ARHGAP29: variants seen among roughly 807,000 people sequenced by gnomAD.
The protein encoded by ARHGAP29 is rho GTPase-activating protein 29.
In ARHGAP29, 43 loss-of-function variants were observed where a neutral mutation model predicts 122.6. The ratio of observed to expected loss-of-function variants is 0.35; its 90% CI spans 0.27 to 0.45. The LOEUF (loss-of-function observed/expected upper bound fraction) is 0.45, where lower values mean the gene tolerates loss of function less well. ARHGAP29 is among the 20% of genes least tolerant of loss of function. The pLI is 1.00. For synonymous variants in ARHGAP29, 506 were observed against 497.1 expected (o/e 1.02, Z -0.24); for missense variants, 1,303 against 1,477.2 (o/e 0.88, Z 1.93).
At chr1:94,275,701 A>G (rs1655158017), upstream of ARHGAP29, among the ~76,000 whole-genome samples, 1 of 152,136 alleles carries the variant, frequency 6.6e-6, no homozygotes, top group South Asian at 2.1e-4. Flanking sequence ...AGATGTTATA[A>G]GCAAAGGAAG....
intron 19 of ARHGAP29, among the ~76,000 whole-genome samples, chr1:94,181,412 GC>G (rs1273575944): frequency 6.6e-6 from 1 of 152,108 alleles, no homozygotes; most frequent in Non-Finnish European, 1.5e-5. Context: ...GGACAGACGG[GC>G]AACTATCTGA....
In ARHGAP29 at chr1:94,215,697, A is replaced by C. The variant is rs573577095; in HGVS notation, c.340+4561T>G. On this transcript the variant is annotated intron_variant, in intron 3 of 22. Transcript: ENST00000260526. ...CATTCAAGAATTCTATTATAATCTC[A>C]GAGCAGAGAAGCCTTTCCTAATACT... Among the ~76,000 whole-genome samples the C allele has an allele frequency of 2.0e-5, 3 of 152,304 alleles. No individual in the cohort carries two copies. The South Asian group carries it at 6.2e-4, about 32-fold the overall frequency.
At chr1:94,205,425 C>A (rs957369925) in intron 6 of ARHGAP29, among the ~76,000 whole-genome samples, 1 of 152,192 alleles carries the variant, frequency 6.6e-6, no homozygotes. Context: ...AAGTTAAAAG[C>A]TTTACACAAT....
chr1:94,265,648 A>G (rs1654742686), intron 1 of ARHGAP29, among the ~76,000 whole-genome samples: 1 of 152,246 alleles, frequency 6.6e-6, no homozygotes. Context: ...TATGTTACCA[A>G]TTTTGAAAAG....
intron 5 of ARHGAP29, among the ~76,000 whole-genome samples, chr1:94,208,093 C>T (rs1322142495): frequency 1.3e-5 from 2 of 152,112 alleles, no homozygotes; most frequent in Admixed American, 6.5e-5. Flanking sequence ...CCACCATGAC[C>T]TCTTAAAGTG....
At chr1:94,260,964 A>C (rs1269963515) in intron 1 of ARHGAP29, among the ~76,000 whole-genome samples, 1 of 151,956 alleles carries the variant, frequency 6.6e-6, no homozygotes, top group African/African-American at 2.4e-5. Context: ...CTTCCTTACA[A>C]CCTCCTGTGT....
chr1:94,190,199 C>A, intron 12 of ARHGAP29, 116 bp from the exon 13 acceptor site: 1 of 1,034,034 alleles, frequency 9.7e-7, no homozygotes, highest in Non-Finnish European at 1.4e-6. Flanking sequence ...GCATACAACA[C>A]TGAATATCAC....
chr1:94,172,047 G>C lies in ARHGAP29; in HGVS notation c.*1822C>G, dbSNP rs1648768652. 1 of 152,050 alleles carries C rather than the reference G, an allele frequency of 6.6e-6. No individual in the cohort carries two copies. The highest frequency in any genetic ancestry group is 2.4e-5 in the African/African-American group (1 of 41,398). 9.4% of individuals were successfully genotyped at this position (152,050 alleles called of 1,614,324 possible). ...ATTTTTTAAAGTTGCATTTTCTATT[G>C]TTAAAAACTACCAGATATTATTTAG... On this transcript the variant is annotated 3_prime_UTR_variant, in exon 23 of 23. Transcript: ENST00000260526.
chr1:94,182,223 G>A (rs1365756536), intron 19 of ARHGAP29, among the ~76,000 whole-genome samples: 1 of 151,904 alleles, frequency 6.6e-6, no homozygotes, highest in African/African-American at 2.4e-5. Context: ...ATAGTTAATA[G>A]CAAGGAAGAA....
chr1:94,235,134 A>G (rs987048272), intron 1 of ARHGAP29, among the ~76,000 whole-genome samples: 1 of 152,190 alleles, frequency 6.6e-6, no homozygotes, highest in Admixed American at 6.5e-5. Flanking sequence ...AGCCAGCATT[A>G]TAATGATTAA....
At chr1:94,185,607 A>G in intron 16 of ARHGAP29, 126 bp from the exon 17 acceptor site, 1 of 810,758 alleles carries the variant, frequency 1.2e-6, no homozygotes, top group Non-Finnish European at 1.7e-6. Flanking sequence ...TGAATCTCTA[A>G]TATCAAAATA....
chr1:94,297,782 T>C, the ARHGAP29 span, among the ~76,000 whole-genome samples: 1 of 152,096 alleles, frequency 6.6e-6, no homozygotes, highest in Non-Finnish European at 1.5e-5. Flanking sequence ...GAGTTGTGTG[T>C]GGTATGAGCA....
chr1:94,178,275 T>A, intron 20 of ARHGAP29, 108 bp from the exon 21 acceptor site: 1 of 1,029,390 alleles, frequency 9.7e-7, no homozygotes, highest in Non-Finnish European at 1.4e-6. Context: ...TGCACAAAAA[T>A]ACTAGGGGGA....
intron 6 of ARHGAP29, 56 bp downstream of exon 6, chr1:94,205,579 T>C: frequency 6.8e-7 from 1 of 1,468,238 alleles, no homozygotes; most frequent in Non-Finnish European, 9.4e-7. Flanking sequence ...TCCAGGACAT[T>C]CATAGAAAGT....
chr1:94,204,918 A>G, intron 7 of ARHGAP29, 143 bp downstream of exon 7: 1 of 786,208 alleles, frequency 1.3e-6, no homozygotes, highest in Non-Finnish European at 1.8e-6. Context: ...TAGTGTAAGA[A>G]GAGTCTTTTC....
chr1:94,193,612 T>C (rs1421277006), intron 12 of ARHGAP29: 1 of 152,194 alleles, frequency 6.6e-6, no homozygotes, highest in African/African-American at 2.4e-5. Context: ...CATGAGAAAC[T>C]ACGGATGCCA....
intron 4 of ARHGAP29, 67 bp from the exon 5 acceptor site, chr1:94,208,971 A>C: frequency 7.2e-7 from 1 of 1,386,718 alleles, no homozygotes; most frequent in Non-Finnish European, 1.0e-6. Context: ...TTTACATTCA[A>C]CATGTTATCT....
chr1:94,171,954 T>G lies in ARHGAP29; in HGVS notation c.*1915A>C, dbSNP rs1302017530. On this transcript the variant is annotated 3_prime_UTR_variant, in exon 23 of 23. Coordinates refer to ENST00000260526, the MANE Select transcript of ARHGAP29 (RefSeq NM_004815.4). ...ATATACTTAATGCCACTGAACTATA[T>G]GCTTAAAAATGGTTCAAACAATATA... 6.6e-6 allele frequency: 1 copy of G among 152,242 alleles called. No homozygotes were observed. Among genetic ancestry groups the G allele is most frequent in the Non-Finnish European group, 1.5e-5 (1 of 68,046 alleles). 9.4% of individuals were successfully genotyped at this position (152,242 alleles called of 1,614,324 possible).
intron 22 of ARHGAP29, among the ~76,000 whole-genome samples, chr1:94,175,521 C>T (rs1051317648): frequency 1.3e-5 from 2 of 152,156 alleles, no homozygotes; most frequent in Admixed American, 1.3e-4. Flanking sequence ...AAGCTACAGT[C>T]GGCCCCAAGC....
Sources: allele counts gnomAD v4.1 joint callset (sites outside exome capture counted in the v4.1 genomes callset), GRCh38; gene constraint gnomAD v4.1.1; transcripts MANE v1.5; gene names NCBI Gene and HGNC (gene_info 2026-07-23, HGNC 2026-07-21).